ASTN2: variants seen among roughly 807,000 people sequenced by gnomAD.
ASTN2 encodes astrotactin 2.
ASTN2 carries 54 observed loss-of-function variants against 139.8 expected under a neutral mutation model. The ratio of observed to expected loss-of-function variants is 0.39; its 90% CI spans 0.31 to 0.48. ASTN2 has a LOEUF of 0.48. ASTN2 is among the 20% of genes least tolerant of loss of function. ASTN2 has a pLI of 0.95. For synonymous variants in ASTN2, 756 were observed against 719.5 expected, an observed-to-expected ratio of 1.05 and a Z score of -0.81; for missense variants, 1,565 against 1,725.1, an observed-to-expected ratio of 0.91 and a Z score of 1.64.
At chr9:116,702,577 T>G (rs1220301177) in intron 16 of ASTN2, among the ~76,000 whole-genome samples, 1 of 152,184 alleles carries the variant, frequency 6.6e-6, no homozygotes, top group Non-Finnish European at 1.5e-5. Context: ...TAGTATAGAA[T>G]ATGTTATCAG....
intron 16 of ASTN2, among the ~76,000 whole-genome samples, chr9:116,697,042 A>ATATC (rs1424410453): frequency 6.6e-6 from 1 of 151,628 alleles, no homozygotes; most frequent in African/African-American, 2.4e-5. Context: ...CTTTCAAGAC[A>ATATC]TATCTTAGGA....
intron 2 of ASTN2, among the ~76,000 whole-genome samples, chr9:117,274,663 G>C (rs1020105999): frequency 6.6e-6 from 1 of 152,208 alleles, no homozygotes; most frequent in African/African-American, 2.4e-5. Flanking sequence ...ATGGCACTTC[G>C]TATAGGTGAG....
intron 19 of ASTN2, among the ~76,000 whole-genome samples, chr9:116,602,607 TA>T (rs1417251467): frequency 6.6e-6 from 1 of 152,120 alleles, no homozygotes; most frequent in African/African-American, 2.4e-5. Context: ...TCTTAATGAA[TA>T]AAGGGAAAAT....
intron 15 of ASTN2, 43 bp from the exon 16 acceptor site, chr9:116,725,993 G>T (rs761591100): frequency 3.2e-6 from 5 of 1,560,708 alleles, no homozygotes; most frequent in Middle Eastern, 3.9e-4. Flanking sequence ...GATGTGAGAG[G>T]CTGGCGGCTA....
intron 10 of ASTN2, among the ~76,000 whole-genome samples, chr9:116,898,142 C>T (rs1016509525): frequency 2.0e-5 from 3 of 152,066 alleles, no homozygotes; most frequent in Non-Finnish European, 2.9e-5. Flanking sequence ...TGCATTGGCT[C>T]GTGTCTGTAA....
At chr9:116,610,812 T>A (rs959810885) in intron 19 of ASTN2, 6 of 151,980 alleles carry the variant, frequency 3.9e-5, no homozygotes, top group African/African-American at 1.2e-4. Context: ...TCAAAATATA[T>A]AAAATAAAAC....
chr9:116,737,611 G>GTGTGTGTGTA (rs1828973264), intron 13 of ASTN2, among the ~76,000 whole-genome samples: 1 of 2,450 alleles, frequency 4.1e-4, no homozygotes, highest in Admixed American at 6.0e-3. Flanking sequence ...ATGTGCCAAC[G>GTGTGTGTGTA]TGTGTGTGTG....
chr9:117,296,179 G>A (rs1175597720), intron 1 of ASTN2, among the ~76,000 whole-genome samples: 1 of 151,002 alleles, frequency 6.6e-6, no homozygotes, highest in Non-Finnish European at 1.5e-5. Context: ...TCGGAAGGCT[G>A]AGGCAGGAGA....
At chr9:117,410,597 A>C (rs1464058993) in intron 1 of ASTN2, among the ~76,000 whole-genome samples, 2 of 152,220 alleles carry the variant, frequency 1.3e-5, no homozygotes, top group African/African-American at 4.8e-5. Context: ...CAGTGAGCCA[A>C]AGCTGAGATT....
At chr9:116,621,898 T>C (rs1856175480) in intron 17 of ASTN2, among the ~76,000 whole-genome samples, 1 of 152,234 alleles carries the variant, frequency 6.6e-6, no homozygotes, top group African/African-American at 2.4e-5. Flanking sequence ...ATAACTTCAG[T>C]GTGTGCTTGA....
chr9:116,782,148 A>G (rs1227624923), intron 13 of ASTN2, among the ~76,000 whole-genome samples: 1 of 152,120 alleles, frequency 6.6e-6, no homozygotes, highest in East Asian at 1.9e-4. Flanking sequence ...GGGAGAGAGG[A>G]AAAAATCATA....
intron 2 of ASTN2, among the ~76,000 whole-genome samples, chr9:117,226,691 T>C (rs1284433928): frequency 1.3e-5 from 2 of 152,186 alleles, no homozygotes; most frequent in African/African-American, 4.8e-5. Context: ...AAAGTGAGCC[T>C]TTCAAGAGGG....
chr9:117,243,914 C>T (rs1002566337), intron 2 of ASTN2, among the ~76,000 whole-genome samples: 1 of 152,030 alleles, frequency 6.6e-6, no homozygotes, highest in Non-Finnish European at 1.5e-5. Context: ...TTTTTGTGTC[C>T]CCACCAAATC....
rs568122856 is a variant in ASTN2, at chr9:116,837,415, C to T, written c.2041-16632G>A. 6.6e-5 allele frequency among the ~76,000 whole-genome samples: 10 copies of T among 152,216 alleles called. No homozygotes were observed. The East Asian group carries it at 1.2e-3, about 18-fold the overall frequency. On this transcript the variant is annotated intron_variant, in intron 11 of 22. Transcript: ENST00000313400. ...GAGCCTTGAGATTTTGAAGACCTAG[C>T]GGGGAGGGAGAGGAAGATGCCTGGA... is the stretch of plus-strand genomic sequence containing the variant.
At chr9:116,614,551 C>T (rs1335679275) in intron 19 of ASTN2, among the ~76,000 whole-genome samples, 1 of 151,948 alleles carries the variant, frequency 6.6e-6, no homozygotes. Context: ...CACAATAGAG[C>T]CCCCGGAAAC....
At chr9:116,710,425 T>C (rs1828117546) in intron 16 of ASTN2, among the ~76,000 whole-genome samples, 2 of 151,856 alleles carry the variant, frequency 1.3e-5, no homozygotes, top group African/African-American at 4.8e-5. Context: ...AGAAATTTCA[T>C]ATTACGATAA....
chr9:117,315,377 C>T (rs1029427920), intron 1 of ASTN2, among the ~76,000 whole-genome samples: 1 of 152,182 alleles, frequency 6.6e-6, no homozygotes, highest in Non-Finnish European at 1.5e-5. Context: ...GTTGTTAGAA[C>T]AGTGAAGGTG....
At chr9:116,900,419 C>A (rs1036394810) in intron 10 of ASTN2, among the ~76,000 whole-genome samples, 1 of 152,126 alleles carries the variant, frequency 6.6e-6, no homozygotes, top group Non-Finnish European at 1.5e-5. Context: ...TCCCCCCTCA[C>A]CACATTTATG....
rs116990391 is a variant in ASTN2, at chr9:117,045,559, G to A, written c.1277-5594C>T. 3.7e-3 allele frequency among the ~76,000 whole-genome samples: 560 copies of A among 152,276 alleles called. 4 individuals are homozygous for A. The highest frequency in any genetic ancestry group is 6.4e-3 in the Non-Finnish European group (434 of 68,024). On this transcript the variant is annotated intron_variant, in intron 5 of 22. Transcript: ENST00000313400. ...GAATGGCATAAAATGCATTGCTTAA[G>A]AAATTCGACCGGAAATAACTCAGTG... is the stretch of plus-strand genomic sequence containing the variant.
Sources: gnomAD v4.1 joint callset for allele counts (sites outside exome capture counted in the v4.1 genomes callset) on GRCh38, gnomAD v4.1.1 for gene constraint, MANE v1.5 for transcripts, NCBI Gene and HGNC (gene_info 2026-07-23, HGNC 2026-07-21) for gene names.